GPHN: variants seen among roughly 807,000 people sequenced by gnomAD.
GPHN encodes gephyrin.
Under a neutral mutation model 95.5 loss-of-function variants are expected in GPHN, and 17 were observed. The observed-to-expected ratio is 0.18, with a 90% CI of 0.12 to 0.27. The LOEUF (loss-of-function observed/expected upper bound fraction) is 0.27. GPHN is among the 10% of genes least tolerant of loss of function. The pLI is 1.00. For synonymous variants in GPHN, 320 were observed against 322.5 expected, an observed-to-expected ratio of 0.99 and a Z score of 0.08; for missense variants, 660 against 978.1, an observed-to-expected ratio of 0.67 and a Z score of 4.34.
chr14:67,692,424 A>G, the GPHN span: 2 of 1,613,792 alleles, frequency 1.2e-6, no homozygotes, highest in South Asian at 1.1e-5. Flanking sequence ...TAGTCTCTCT[A>G]GTTCTACACT....
At chr14:67,585,825 A>T in the GPHN span, 3 of 1,109,370 alleles carry the variant, frequency 2.7e-6, no homozygotes, top group African/African-American at 4.7e-5. Context: ...TTCAAGATGG[A>T]GATCTCCAAA....
intron 4 of GPHN, among the ~76,000 whole-genome samples, chr14:66,851,707 T>C (rs1471144423): frequency 6.6e-6 from 1 of 152,112 alleles, no homozygotes; most frequent in East Asian, 1.9e-4. Context: ...GATACCTTTG[T>C]CATATTAAAG....
Position 66,552,587 on chromosome 14 carries a change from G to A in GPHN, c.64+43996G>A, listed in dbSNP as rs7153148. On this transcript the variant is annotated intron_variant, in intron 1 of 22. Transcript: ENST00000478722. The stretch of plus-strand genomic sequence containing the variant: ...TCTTTGGTCTGAAGAACACTCTTCA[G>A]CATTTCTTACAATGTAGATTGACTG... Among the ~76,000 whole-genome samples, 1,459 of 152,206 alleles carry A rather than the reference G, an allele frequency of 9.6e-3. 19 individuals carry two copies. Among genetic ancestry groups the A allele is most frequent in the African/African-American group, 0.033 (1,351 of 41,522 alleles).
chr14:67,518,625 CAT>C, the GPHN span, among the ~76,000 whole-genome samples: 1 of 152,228 alleles, frequency 6.6e-6, no homozygotes, highest in Non-Finnish European at 1.5e-5. Flanking sequence ...GGTCCTTAGA[CAT>C]ATATTCTGAA....
chr14:67,646,423 A>G, the GPHN span: 1 of 516,380 alleles, frequency 1.9e-6, no homozygotes, highest in Non-Finnish European at 3.4e-6. Context: ...TAGAGATTTT[A>G]TTCGTCTTGA....
chr14:67,562,096 T>A, the GPHN span: 2 of 1,601,254 alleles, frequency 1.2e-6, no homozygotes, highest in Non-Finnish European at 1.7e-6. Flanking sequence ...GGGGCTGAGC[T>A]ACGGGAGCTC....
At chr14:66,963,835 A>T (rs1477797985) in intron 8 of GPHN, among the ~76,000 whole-genome samples, 2 of 152,150 alleles carry the variant, frequency 1.3e-5, no homozygotes, top group Admixed American at 1.3e-4. Context: ...AACTAAATAA[A>T]GGAGCTTCTA....
chr14:67,323,933 G>T, the GPHN span: 6 of 581,756 alleles, frequency 1.0e-5, no homozygotes, highest in Non-Finnish European at 1.8e-5. Context: ...TATTTTTTCT[G>T]TAATATTACT....
chr14:67,397,899 G>GGTTACTT, the GPHN span: 2 of 1,235,024 alleles, frequency 1.6e-6, no homozygotes, highest in South Asian at 1.5e-5. Flanking sequence ...GGGGGTGTCT[G>GGTTACTT]GTGGCACAAG....
intron 1 of GPHN, among the ~76,000 whole-genome samples, chr14:66,545,705 T>A (rs2059553376): frequency 7.4e-6 from 1 of 135,612 alleles, no homozygotes; most frequent in Admixed American, 7.1e-5. Context: ...GCCCCTCACC[T>A]CCCGGACGGG....
In GPHN at chr14:66,560,113, A is replaced by G. The variant is rs2060170534; in HGVS notation, c.64+51522A>G. On this transcript the variant is annotated intron_variant, in intron 1 of 22. Transcript: ENST00000478722. ...CATTGGTCTATATCTCTGTTTTGGT[A>G]CCAGTACCATGCTGTTTTGGTTACT... Among the ~76,000 whole-genome samples the G allele has an allele frequency of 2.6e-5, 4 of 152,084 alleles. No homozygotes were observed. In the South Asian group the frequency reaches 8.3e-4, roughly 32 times the overall value.
At chr14:67,524,430 G>C in the GPHN span, among the ~76,000 whole-genome samples, 1 of 152,132 alleles carries the variant, frequency 6.6e-6, no homozygotes, top group African/African-American at 2.4e-5. Flanking sequence ...TTAGGAGTGT[G>C]GACAAACATG....
chr14:67,505,313 A>G, the GPHN span, among the ~76,000 whole-genome samples: 1 of 152,112 alleles, frequency 6.6e-6, no homozygotes, highest in African/African-American at 2.4e-5. Context: ...CCTCCTGTCA[A>G]GCTGGTGAGA....
chr14:67,338,614 G>A, the GPHN span: 3 of 1,613,106 alleles, frequency 1.9e-6, no homozygotes, highest in Non-Finnish European at 2.5e-6. Flanking sequence ...AACCAGAACA[G>A]GAAAGATTAT....
chr14:66,936,266 C>A (rs1397581455), intron 8 of GPHN, among the ~76,000 whole-genome samples: 1 of 152,026 alleles, frequency 6.6e-6, no homozygotes, highest in African/African-American at 2.4e-5. Context: ...GTAATCCCAG[C>A]TACTCGGGAG....
At chr14:67,070,715 A>AAAAAAAAAAAAAAAAATATATATATAT in intron 11 of GPHN, among the ~76,000 whole-genome samples, 2 of 80,700 alleles carry the variant, frequency 2.5e-5, no homozygotes, top group African/African-American at 2.5e-4. Context: ...AAAAAAAAAA[A>AAAAAAAAAAAAAAAAATATATATATAT]ATATATATAT....
At chr14:66,840,733 A>G (rs1246260180) in intron 4 of GPHN, among the ~76,000 whole-genome samples, 2 of 128,496 alleles carry the variant, frequency 1.6e-5, no homozygotes, top group East Asian at 2.4e-4. Flanking sequence ...AGTGCAGGCC[A>G]TACAAAAAAA....
chr14:67,127,124 G>A (rs2079373064), intron 17 of GPHN, among the ~76,000 whole-genome samples: 1 of 144,046 alleles, frequency 6.9e-6, no homozygotes, highest in African/African-American at 2.5e-5. Flanking sequence ...GAAGGGGGAG[G>A]GATAGCATCG....
chr14:67,253,718 G>A, the GPHN span, among the ~76,000 whole-genome samples: 1 of 151,910 alleles, frequency 6.6e-6, no homozygotes. Context: ...TTGCATTCCT[G>A]TAGTCCCAGC....
Sources: gnomAD v4.1 joint callset for allele counts (sites outside exome capture counted in the v4.1 genomes callset) on GRCh38, gnomAD v4.1.1 for gene constraint, MANE v1.5 for transcripts, NCBI Gene and HGNC (gene_info 2026-07-23, HGNC 2026-07-21) for gene names.